Variants in RBFOX1 observed in about 807,000 individuals in gnomAD.
RBFOX1 encodes the protein RNA binding protein fox-1 homolog 1.
Under a neutral mutation model 57.7 loss-of-function variants are expected in RBFOX1, and 8 were observed. The ratio of observed to expected loss-of-function variants is 0.14; its 90% CI spans 0.08 to 0.25. The LOEUF is 0.25. RBFOX1 is among the 10% of genes least tolerant of loss of function. The probability of loss-of-function intolerance (pLI) is 1.00; values close to 1 mark genes in which losing one functional copy is unlikely to be tolerated. For synonymous variants in RBFOX1, 326 were observed against 222.4 expected, an observed-to-expected ratio of 1.47 and a Z score of -4.15; for missense variants, 611 against 548.5, an observed-to-expected ratio of 1.11 and a Z score of -1.14.
intron 1 of RBFOX1, among the ~76,000 whole-genome samples, chr16:5,462,018 C>G (rs1035366564): frequency 6.6e-6 from 1 of 152,132 alleles, no homozygotes; most frequent in Non-Finnish European, 1.5e-5. Context: ...AATTTCCACT[C>G]CCACCAGTGG....
At chr16:6,806,836 A>ATATATATATATATATATATATATATAT (rs754342591) in intron 3 of RBFOX1, among the ~76,000 whole-genome samples, 1 of 91,878 alleles carries the variant, frequency 1.1e-5, no homozygotes, top group Non-Finnish European at 2.1e-5. Context: ...ATATATATAT[A>ATATATATATATATATATATATATATAT]TTTTTTTTTT....
intron 3 of RBFOX1, among the ~76,000 whole-genome samples, chr16:7,006,622 G>A (rs1253790668): frequency 6.6e-6 from 1 of 151,978 alleles, no homozygotes; most frequent in Non-Finnish European, 1.5e-5. Flanking sequence ...GCTTGGTTTC[G>A]GGTTTTATAG....
intron 4 of RBFOX1, among the ~76,000 whole-genome samples, chr16:7,231,376 G>C (rs762903260): frequency 6.6e-6 from 1 of 152,098 alleles, no homozygotes; most frequent in African/African-American, 2.4e-5. Flanking sequence ...GAATCAGCAG[G>C]GTTCATGATG....
rs554326643 is a variant in RBFOX1, at chr16:7,179,188, A to G, written c.27+127090A>G. Among the ~76,000 whole-genome samples the G allele has an allele frequency of 1.7e-3, 254 of 151,844 alleles. 1 individual carries two copies. Among genetic ancestry groups the G allele is most frequent in the African/African-American group, 5.9e-3 (246 of 41,392 alleles). On this transcript the variant is annotated intron_variant, in intron 4 of 15. Coordinates refer to ENST00000550418, the MANE Select transcript of RBFOX1 (RefSeq NM_018723.4). The stretch of plus-strand genomic sequence containing the variant: ...GGTAGGAGGTTGGGATAAAACAACA[A>G]ATTTTTATCTATATGGAAGGATGCT...
chr16:6,275,804 A>G (rs2075743338), intron 1 of RBFOX1, among the ~76,000 whole-genome samples: 1 of 152,240 alleles, frequency 6.6e-6, no homozygotes, highest in Admixed American at 6.5e-5. Context: ...TTAGTATGAT[A>G]AAGGTAACTG....
intron 4 of RBFOX1, among the ~76,000 whole-genome samples, chr16:7,065,994 C>A (rs181948287): frequency 4.0e-5 from 6 of 151,458 alleles, no homozygotes; most frequent in Non-Finnish European, 5.9e-5. Context: ...AAATAAATAA[C>A]AACAAAAAAA....
At chr16:6,773,035 TGGGG>T (rs2078638506) in intron 3 of RBFOX1, among the ~76,000 whole-genome samples, 1 of 110,434 alleles carries the variant, frequency 9.1e-6, no homozygotes, top group Non-Finnish European at 1.8e-5. Context: ...TTTGTGGGCA[TGGGG>T]TGCATTTGTA....
intron 4 of RBFOX1, among the ~76,000 whole-genome samples, chr16:7,365,880 C>T (rs1479505710): frequency 2.0e-5 from 3 of 152,234 alleles, no homozygotes; most frequent in South Asian, 4.1e-4. Flanking sequence ...TACCCTAAGA[C>T]TCTCCTTCTT....
intron 3 of RBFOX1, among the ~76,000 whole-genome samples, chr16:7,001,264 A>C (rs566174547): frequency 1.1e-4 from 17 of 152,034 alleles, no homozygotes; most frequent in Non-Finnish European, 2.2e-4. Context: ...CCTTGTTCAG[A>C]TGGATGGAGA....
intron 1 of RBFOX1, among the ~76,000 whole-genome samples, chr16:5,317,710 C>T (rs2064281827): frequency 6.6e-6 from 1 of 152,166 alleles, no homozygotes; most frequent in African/African-American, 2.4e-5. Context: ...TGTTTGTTTT[C>T]TTTTGTTTCT....
intron 3 of RBFOX1, among the ~76,000 whole-genome samples, chr16:5,675,985 A>G (rs781417822): frequency 6.6e-6 from 1 of 152,136 alleles, no homozygotes; most frequent in Non-Finnish European, 1.5e-5. Flanking sequence ...GGGATCATTT[A>G]AAAAAAGAAG....
intron 2 of RBFOX1, among the ~76,000 whole-genome samples, chr16:6,329,768 C>T (rs2082785059): frequency 6.6e-6 from 1 of 152,076 alleles, no homozygotes; most frequent in Non-Finnish European, 1.5e-5. Context: ...CATGTCGCTT[C>T]TAAAAATACA....
intron 3 of RBFOX1, among the ~76,000 whole-genome samples, chr16:6,960,728 C>T (rs980933191): frequency 3.3e-5 from 5 of 152,034 alleles, no homozygotes; most frequent in Non-Finnish European, 7.4e-5. Flanking sequence ...CTCTACCTGT[C>T]ACCACTGCAA....
intron 3 of RBFOX1, among the ~76,000 whole-genome samples, chr16:6,966,789 A>ATCTG (rs796374772): frequency 0.027 from 3,389 of 127,876 alleles, 58 homozygotes; most frequent in Non-Finnish European, 0.038. Context: ...CTATCTATCT[A>ATCTG]TCTGTCTGTC....
intron 3 of RBFOX1, among the ~76,000 whole-genome samples, chr16:5,825,566 C>G (rs1481267319): frequency 3.9e-5 from 6 of 152,090 alleles, no homozygotes; most frequent in Non-Finnish European, 7.4e-5. Context: ...ATGGTAAAAA[C>G]CATGTAACAT....
chr16:7,265,982 T>G (rs1257739904), intron 4 of RBFOX1, among the ~76,000 whole-genome samples: 4 of 140,084 alleles, frequency 2.9e-5, no homozygotes, highest in African/African-American at 1.1e-4. Flanking sequence ...TTTTTTTTTT[T>G]TTTTTTTTCT....
At chr16:5,273,022 C>T (rs995247279) in intron 1 of RBFOX1, among the ~76,000 whole-genome samples, 2 of 152,072 alleles carry the variant, frequency 1.3e-5, no homozygotes, top group Admixed American at 6.6e-5. Context: ...GGATGCAGTC[C>T]TTTGCTGGTG....
intron 3 of RBFOX1, among the ~76,000 whole-genome samples, chr16:6,980,088 G>C (rs2088286856): frequency 6.6e-6 from 1 of 152,294 alleles, no homozygotes; most frequent in African/African-American, 2.4e-5. Context: ...CCTGGTGTTA[G>C]AGTGTAGTAG....
At chr16:7,327,520 A>G (rs978531027) in intron 4 of RBFOX1, among the ~76,000 whole-genome samples, 1 of 152,232 alleles carries the variant, frequency 6.6e-6, no homozygotes, top group Non-Finnish European at 1.5e-5. Flanking sequence ...TCCAAAAGAT[A>G]AGAAATGTGA....
Sources: allele counts gnomAD v4.1 joint callset (sites outside exome capture counted in the v4.1 genomes callset), GRCh38; gene constraint gnomAD v4.1.1; transcripts MANE v1.5; gene names NCBI Gene and HGNC (gene_info 2026-07-23, HGNC 2026-07-21).